COQ2: variants seen among roughly 807,000 people sequenced by gnomAD.
COQ2 encodes the protein 4-hydroxybenzoate polyprenyltransferase, mitochondrial.
In COQ2, 25 loss-of-function variants were observed where a neutral mutation model predicts 35.7. The ratio of observed to expected loss-of-function variants is 0.70; its 90% confidence interval spans 0.51 to 0.98. The LOEUF is 0.98. COQ2 is among the 50% of genes least tolerant of loss of function. The pLI, the probability that COQ2 is intolerant of heterozygous loss-of-function variation, is 0.00. For missense variants in COQ2, 488 were observed against 473.5 expected (o/e 1.03, Z -0.28); for synonymous variants, 206 against 186.2 (o/e 1.11, Z -0.86).
At chr4:83,273,350 G>A in intron 3 of COQ2, 146 bp downstream of exon 3, 1 of 721,386 alleles carries the variant, frequency 1.4e-6, no homozygotes, top group South Asian at 2.1e-5. Context: ...TTAAAAATGT[G>A]TGGTGAGTTA....
intron 3 of COQ2, 126 bp downstream of exon 3, chr4:83,273,370 G>C: frequency 1.1e-6 from 1 of 937,362 alleles, no homozygotes; most frequent in Non-Finnish European, 1.6e-6. Context: ...ACTTACACTT[G>C]CTAACTTACA....
intron 6 of COQ2, 59 bp downstream of exon 6, chr4:83,267,527 A>T: frequency 1.4e-6 from 2 of 1,453,768 alleles, no homozygotes; most frequent in East Asian, 2.5e-5. Context: ...ATACTGTTTA[A>T]ATAATTTTTA....
At position 83,284,495 on chromosome 4, in the gene COQ2, C is replaced by G. The variant is rs1208556109; in HGVS notation, c.253+17G>C. 1.3e-6 allele frequency: 2 copies of G among 1,538,380 alleles called. No homozygotes were observed. Among genetic ancestry groups the G allele is most frequent in the African/African-American group, 2.8e-5 (2 of 71,404 alleles). ...GCTACTTGCAAATTCCCGGGCTGCC[C>G]GCCCGCCCGCACTCACCAATGGGCT... On this transcript the variant is annotated intron_variant, in intron 1 of 6. Transcript: ENST00000647002.
intron 2 of COQ2, among the ~76,000 whole-genome samples, chr4:83,276,212 T>C (rs1290510630): frequency 6.6e-6 from 1 of 151,594 alleles, no homozygotes; most frequent in Non-Finnish European, 1.5e-5. Context: ...TTTTGAAAAA[T>C]GTCTGTTCAT....
chr4:83,273,350 G>C (rs563143543), intron 3 of COQ2, 146 bp downstream of exon 3: 1 of 721,384 alleles, frequency 1.4e-6, no homozygotes, highest in African/African-American at 1.8e-5. Flanking sequence ...TTAAAAATGT[G>C]TGGTGAGTTA....
rs539032984 is a variant in COQ2, at chr4:83,275,982, CATAT to C, written c.421-2369_421-2366del. On this transcript the variant is annotated intron_variant, in intron 2 of 6. Coordinates refer to ENST00000647002, the MANE Select transcript of COQ2 (RefSeq NM_001358921.2). ...AGTGATACATGCCAGAAGCCTCATT[CATAT>C]ATATTTTTATATAGAATATATATTA... Among the ~76,000 whole-genome samples the C allele has an allele frequency of 2.4e-3, 333 of 138,604 alleles. 2 individuals are homozygous for C. The highest frequency in any genetic ancestry group is 9.5e-3 in the African/African-American group (311 of 32,684). 90.9% of individuals were successfully genotyped at this position (138,604 alleles called of 152,430 possible). A position where few individuals can be genotyped will look rare whatever the true frequency, so the allele number is the denominator to read the frequency against.
chr4:83,283,438 A>T (rs62303672), intron 1 of COQ2: 248,068 of 985,254 alleles, frequency 0.25, 32,608 homozygotes, highest in Middle Eastern at 0.29. Flanking sequence ...TTAGTGTTCT[A>T]ACACTCCACC....
chr4:83,273,444 C>T, intron 3 of COQ2, 52 bp downstream of exon 3: 1 of 1,534,996 alleles, frequency 6.5e-7, no homozygotes, highest in Non-Finnish European at 8.8e-7. Context: ...TTCCTATTTT[C>T]TCCATTTCAA....
At chr4:83,281,612 C>G (rs1735323280) in intron 1 of COQ2, 2 of 152,192 alleles carry the variant, frequency 1.3e-5, no homozygotes, top group African/African-American at 2.4e-5. Flanking sequence ...AGCTACCTCA[C>G]AGAGTCGTTA....
Position 83,279,099 on chromosome 4 carries a change from T to C in COQ2, c.269A>G (p.Tyr90Cys), listed in dbSNP as rs1445075513. ...LDKPIGTWLL[Y>C]LPCTWSIGLA... ...ACCAATGCTCCAGGTACATGGTAAATACAGAAGCCAGGTTCCTAAGCAAAA... is the reference window on the plus strand; with the variant it reads ...ACCAATGCTCCAGGTACATGGTAAACACAGAAGCCAGGTTCCTAAGCAAAA... Residue 90 changes from tyrosine (Y) to cysteine (C), a missense_variant, in exon 2 of 7, where the codon TAT becomes TGT. By Grantham distance (194) the Tyr-to-Cys change is radical. Transcript: ENST00000647002. 1 of 1,569,560 alleles carries C rather than the reference T, an allele frequency of 6.4e-7. No individual in the cohort carries two copies. The highest frequency in any genetic ancestry group is 1.2e-5 in the South Asian group (1 of 82,644).
In COQ2 at chr4:83,284,500, G is replaced by A. The variant is rs1279538232; in HGVS notation, c.253+12C>T. The A allele has an allele frequency of 6.4e-6, 10 of 1,559,958 alleles. No individual in the cohort carries two copies. Among genetic ancestry groups the A allele is most frequent in the Middle Eastern group, 1.7e-4 (1 of 5,814 alleles). On this transcript the variant is annotated intron_variant, in intron 1 of 6. Coordinates refer to ENST00000647002, the MANE Select transcript of COQ2 (RefSeq NM_001358921.2). ...TTGCAAATTCCCGGGCTGCCCGCCC[G>A]CCCGCACTCACCAATGGGCTTGTCC...
intron 6 of COQ2, chr4:83,266,976 C>T: frequency 3.2e-6 from 1 of 314,708 alleles, no homozygotes; most frequent in Admixed American, 4.5e-5. Context: ...CAACTCAAAC[C>T]ACAAGCTTCA....
At chr4:83,282,554 C>T (rs756876451) in intron 1 of COQ2, 4 of 909,556 alleles carry the variant, frequency 4.4e-6, no homozygotes, top group Non-Finnish European at 5.3e-6. Flanking sequence ...CCAAACCATG[C>T]AGGCTGGTAT....
chr4:83,284,378 A>G, intron 1 of COQ2, 134 bp downstream of exon 1: 1 of 1,412,362 alleles, frequency 7.1e-7, no homozygotes, highest in Non-Finnish European at 9.2e-7. Flanking sequence ...GGCGCACGGC[A>G]CCCGGCAGCC....
At chr4:83,279,507 C>G (rs777176015) in intron 1 of COQ2, among the ~76,000 whole-genome samples, 1 of 152,068 alleles carries the variant, frequency 6.6e-6, no homozygotes, top group Non-Finnish European at 1.5e-5. Flanking sequence ...TTATGTATTT[C>G]TAATGAGGTT....
intron 1 of COQ2, among the ~76,000 whole-genome samples, chr4:83,280,025 G>A (rs115385071): frequency 0.017 from 2,616 of 151,974 alleles, 83 homozygotes; most frequent in African/African-American, 0.06. Flanking sequence ...CATGCCCAGG[G>A]AATTATGTTG....
At chr4:83,268,002 G>A (rs1734964535) in intron 5 of COQ2, among the ~76,000 whole-genome samples, 1 of 152,154 alleles carries the variant, frequency 6.6e-6, no homozygotes, top group Non-Finnish European at 1.5e-5. Context: ...TAATGAATGT[G>A]CAGGCCAATC....
At chr4:83,274,637 T>C (rs988663788) in intron 2 of COQ2, among the ~76,000 whole-genome samples, 37 of 152,368 alleles carry the variant, frequency 2.4e-4, no homozygotes, top group African/African-American at 8.7e-4. Flanking sequence ...GAAGTTTGAC[T>C]ATAATGTATT....
intron 6 of COQ2, chr4:83,266,838 T>C: frequency 4.7e-6 from 1 of 211,238 alleles, no homozygotes; most frequent in Non-Finnish European, 9.8e-6. Flanking sequence ...CCGCATTTCA[T>C]GTCTTATCTG....
Sources: allele counts gnomAD v4.1 joint callset (sites outside exome capture counted in the v4.1 genomes callset), GRCh38; gene constraint gnomAD v4.1.1; transcripts MANE v1.5; gene names NCBI Gene and HGNC (gene_info 2026-07-23, HGNC 2026-07-21).